Variants in TRABD2B observed in about 807,000 individuals in gnomAD.
TRABD2B encodes the protein TraB domain containing 2B.
TRABD2B carries 14 observed loss-of-function variants against 40.1 expected under a neutral mutation model. The ratio of observed to expected loss-of-function variants is 0.35; its 90% CI spans 0.23 to 0.55. The LOEUF (loss-of-function observed/expected upper bound fraction) is 0.55. TRABD2B is among the 20% of genes least tolerant of loss of function. TRABD2B has a pLI of 0.90. For missense variants in TRABD2B, 541 were observed against 648.6 expected, an observed-to-expected ratio of 0.83 and a Z score of 1.80; for synonymous variants, 263 against 277.0, an observed-to-expected ratio of 0.95 and a Z score of 0.50.
At chr1:47,804,791 T>C (rs921970753) in intron 2 of TRABD2B, among the ~76,000 whole-genome samples, 21 of 152,194 alleles carry the variant, frequency 1.4e-4, no homozygotes, top group Admixed American at 7.2e-4. Flanking sequence ...CTGGAGGTCA[T>C]CTGGTCCAGA....
intron 2 of TRABD2B, among the ~76,000 whole-genome samples, chr1:47,874,958 C>T (rs755027168): frequency 4.9e-4 from 74 of 152,044 alleles, no homozygotes; most frequent in Non-Finnish European, 9.7e-4. Flanking sequence ...TCACTCACTG[C>T]TTCTGAACCC....
chr1:47,954,884 CTCTCTG>C (rs961394380), intron 2 of TRABD2B, among the ~76,000 whole-genome samples: 13 of 152,132 alleles, frequency 8.5e-5, no homozygotes. Context: ...CATTGGTCTC[CTCTCTG>C]TCTCTGTGCT....
intron 4 of TRABD2B, among the ~76,000 whole-genome samples, chr1:47,787,967 G>A (rs2124169348): frequency 6.6e-6 from 1 of 152,268 alleles, no homozygotes; most frequent in South Asian, 2.1e-4. Context: ...GGGCCCAAGT[G>A]ACAGCTGGAT....
rs188118362 is a variant in TRABD2B, at chr1:47,930,865, C to T, written c.666+63169G>A. Among the ~76,000 whole-genome samples, 686 of 152,276 alleles carry T rather than the reference C, an allele frequency of 4.5e-3. 4 individuals are homozygous for T. Among genetic ancestry groups the T allele is most frequent in the African/African-American group, 0.016 (655 of 41,552 alleles). ...AGGGTCTCACCAGCAGCTTATGAGA[C>T]GAGCTGGGACCCGACCCCACAGCTG... On this transcript the variant is annotated intron_variant, in intron 2 of 6. Transcript: ENST00000606738.
chr1:47,890,808 A>T (rs766117465), intron 2 of TRABD2B, among the ~76,000 whole-genome samples: 1 of 152,216 alleles, frequency 6.6e-6, no homozygotes, highest in Non-Finnish European at 1.5e-5. Flanking sequence ...ATAATTCCCA[A>T]CTTCAAAAAG....
intron 2 of TRABD2B, among the ~76,000 whole-genome samples, chr1:47,917,509 C>G (rs1199494549): frequency 6.6e-6 from 1 of 151,966 alleles, no homozygotes; most frequent in African/African-American, 2.4e-5. Context: ...TTGCTTGAGC[C>G]CAGGAGTTTG....
chr1:47,797,812 T>C (rs1233260711), intron 3 of TRABD2B, among the ~76,000 whole-genome samples: 1 of 152,146 alleles, frequency 6.6e-6, no homozygotes, highest in African/African-American at 2.4e-5. Flanking sequence ...AAGTGCAGGA[T>C]GCACAATGAC....
intron 2 of TRABD2B, among the ~76,000 whole-genome samples, chr1:47,913,503 C>T (rs1427624447): frequency 6.6e-6 from 1 of 152,192 alleles, no homozygotes; most frequent in African/African-American, 2.4e-5. Context: ...CACTTTGTCC[C>T]CAGACAAAGG....
intron 2 of TRABD2B, among the ~76,000 whole-genome samples, chr1:47,874,374 G>A (rs1328098162): frequency 6.9e-6 from 1 of 144,818 alleles, no homozygotes. Flanking sequence ...CCGGGTTCAC[G>A]CCATTCTCCT....
intron 2 of TRABD2B, among the ~76,000 whole-genome samples, chr1:47,960,103 A>G (rs1645488950): frequency 6.6e-6 from 1 of 152,208 alleles, no homozygotes; most frequent in Non-Finnish European, 1.5e-5. Context: ...ACAGAACCAA[A>G]AGACAAAAAC....
chr1:47,883,118 C>A lies in TRABD2B; in HGVS notation c.667-81499G>T, dbSNP rs556841937. 3.3e-5 allele frequency among the ~76,000 whole-genome samples: 5 copies of A among 152,178 alleles called. No homozygotes were observed. The East Asian group carries it at 7.7e-4, about 24-fold the overall frequency. Reference sequence around the variant, plus strand: ...AAGTGCCTGATTTGTCTTATCTTACCCACTCTTTACAACATCCCTATCAGC... The same window carrying A: ...AAGTGCCTGATTTGTCTTATCTTACACACTCTTTACAACATCCCTATCAGC... On this transcript the variant is annotated intron_variant, in intron 2 of 6. Transcript: ENST00000606738.
chr1:47,775,308 G>C lies in TRABD2B; in HGVS notation c.1211C>G (p.Ala404Gly). Residue 404 changes from alanine to glycine, a missense_variant, in exon 6 of 7, where the codon GCC (alanine) becomes GGC (glycine). Around this residue, in one of 2 missense-constraint regions of TRABD2B, gnomAD observed 172 missense variants for 155.8 expected, o/e 1.10. Transcript: ENST00000606738. ...GGGGAGCAGGAGGTGTGGGGACAGG[G>C]CTGGATCCTCATCCTCTGGTGGGGC... is the stretch of plus-strand genomic sequence containing the variant. ...PTAPPEDEDPALSPHLLLPDS... is the reference protein window; with the variant it reads ...PTAPPEDEDPGLSPHLLLPDS... 3 of 1,249,454 alleles carry C rather than the reference G, an allele frequency of 2.4e-6. No homozygotes were observed. The highest frequency in any genetic ancestry group is 3.0e-6 in the Non-Finnish European group (3 of 994,772). The allele number at this position is 1,249,454 out of a possible 1,614,324, so 77.4% of individuals were successfully genotyped here.
chr1:47,997,316 C>A lies in TRABD2B; in HGVS notation c.-527G>T. On this transcript the variant is annotated 5_prime_UTR_variant, in exon 1 of 7. Transcript: ENST00000606738. ...TGCCCCCGAGCCCGGCTCAGAGGGGCGGCGGGCGGCCGCGCGGCCGCTGCC... is the reference window on the plus strand; with the variant it reads ...TGCCCCCGAGCCCGGCTCAGAGGGGAGGCGGGCGGCCGCGCGGCCGCTGCC... 1 of 700,892 alleles carries A rather than the reference C, an allele frequency of 1.4e-6. No individual in the cohort carries two copies. The highest frequency in any genetic ancestry group is 1.7e-6 in the Non-Finnish European group (1 of 574,582). 43.4% of individuals were successfully genotyped at this position (700,892 alleles called of 1,614,324 possible). A position where few individuals can be genotyped will look rare whatever the true frequency, so the allele number is the denominator to read the frequency against.
chr1:47,903,670 G>A (rs1028567259), intron 2 of TRABD2B, among the ~76,000 whole-genome samples: 3 of 152,126 alleles, frequency 2.0e-5, no homozygotes, highest in Non-Finnish European at 2.9e-5. Context: ...CCTGGGCAGG[G>A]GCAGTTAGAG....
chr1:47,943,535 G>A (rs1198173768), intron 2 of TRABD2B, among the ~76,000 whole-genome samples: 1 of 152,066 alleles, frequency 6.6e-6, no homozygotes, highest in East Asian at 1.9e-4. Context: ...ATTACAGATG[G>A]GGAAACAGAG....
chr1:47,995,532 G>A (rs1212594486), intron 1 of TRABD2B, among the ~76,000 whole-genome samples: 1 of 151,898 alleles, frequency 6.6e-6, no homozygotes, highest in Non-Finnish European at 1.5e-5. Context: ...GCGTGTGTGT[G>A]TATGTAGGAG....
chr1:47,997,357 T>G lies in TRABD2B; in HGVS notation c.-568A>C. On this transcript the variant is annotated 5_prime_UTR_variant, in exon 1 of 7. Transcript: ENST00000606738. ...GGCCGCTGCCCGGGCTCCGCCATGC[T>G]GCTCCGCGGCCGGGAGGGAGGGAGA... 3.8e-6 allele frequency: 1 copy of G among 265,782 alleles called. No individual in the cohort carries two copies. The highest frequency in any genetic ancestry group is 5.5e-6 in the Non-Finnish European group (1 of 181,580). The allele number at this position is 265,782 out of a possible 1,614,324, so 16.5% of individuals were successfully genotyped here.
Position 47,997,236 on chromosome 1 carries a change from G to C in TRABD2B, c.-447C>G. The C allele has an allele frequency of 1.0e-6, 1 of 982,738 alleles. No individual in the cohort carries two copies. Among genetic ancestry groups the C allele is most frequent in the Non-Finnish European group, 1.2e-6 (1 of 828,896 alleles). 60.9% of individuals were successfully genotyped at this position (982,738 alleles called of 1,614,324 possible). A position where few individuals can be genotyped will look rare whatever the true frequency, so the allele number is the denominator to read the frequency against. ...CGGCGCTCCAGGAGGCGCGCAGTGG[G>C]ACAAGTGCGGCGGAAGGCGCGGCAG... On this transcript the variant is annotated 5_prime_UTR_variant, in exon 1 of 7. Coordinates refer to ENST00000606738, the MANE Select transcript of TRABD2B (RefSeq NM_001194986.2).
intron 2 of TRABD2B, among the ~76,000 whole-genome samples, chr1:47,982,823 G>A (rs1169077702): frequency 6.6e-6 from 1 of 152,042 alleles, no homozygotes; most frequent in Non-Finnish European, 1.5e-5. Context: ...ATCTCCAGGG[G>A]CCCAAATCCT....
Sources: allele counts gnomAD v4.1 joint callset (sites outside exome capture counted in the v4.1 genomes callset), GRCh38; gene constraint gnomAD v4.1.1; regional missense constraint gnomAD v4.1.1; transcripts MANE v1.5; gene names NCBI Gene and HGNC (gene_info 2026-07-23, HGNC 2026-07-21).